The following GATAD1 variants were observed in gnomAD, a reference collection of about 807,000 sequenced individuals.
GATAD1 encodes GATA zinc finger domain-containing protein 1.
GATAD1 carries 12 observed loss-of-function variants against 26.5 expected under a neutral mutation model. The ratio of observed to expected loss-of-function variants is 0.45; its 90% CI spans 0.29 to 0.73. The LOEUF is 0.73. GATAD1 is among the 30% of genes least tolerant of loss of function. The pLI, the probability that GATAD1 is intolerant of heterozygous loss-of-function variation, is 0.10. For synonymous variants in GATAD1, 129 were observed against 133.1 expected, an observed-to-expected ratio of 0.97 and a Z score of 0.21; for missense variants, 266 against 342.1, an observed-to-expected ratio of 0.78 and a Z score of 1.75.
the GATAD1 span, chr7:92,469,918 T>C: frequency 1.3e-6 from 1 of 778,656 alleles, no homozygotes; most frequent in East Asian, 2.4e-5. Flanking sequence ...GAGGGTTTCA[T>C]GTAGTTTTGA....
intron 4 of GATAD1, among the ~76,000 whole-genome samples, chr7:92,455,754 CCAAA>C (rs1789644120): frequency 6.6e-6 from 1 of 152,154 alleles, no homozygotes; most frequent in African/African-American, 2.4e-5. Context: ...TGATACATTA[CCAAA>C]CAATTCTAGC....
chr7:92,485,722 A>C, the GATAD1 span, among the ~76,000 whole-genome samples: 1 of 152,224 alleles, frequency 6.6e-6, no homozygotes, highest in African/African-American at 2.4e-5. Flanking sequence ...CAAACAGTGG[A>C]GACAGGAAAT....
At chr7:92,478,711 A>C in the GATAD1 span, among the ~76,000 whole-genome samples, 4 of 152,214 alleles carry the variant, frequency 2.6e-5, no homozygotes, top group African/African-American at 9.6e-5. Context: ...ACCCTCACCC[A>C]TTCCAAACCA....
At chr7:92,460,929 G>GCACACA (rs367896680), downstream of GATAD1, among the ~76,000 whole-genome samples, 7 of 150,522 alleles carry the variant, frequency 4.7e-5, no homozygotes, top group African/African-American at 1.7e-4. Context: ...TTTACAATAA[G>GCACACA]CACACACACA....
the GATAD1 span, among the ~76,000 whole-genome samples, chr7:92,482,691 G>A: frequency 1.8e-3 from 277 of 152,174 alleles, 6 homozygotes; most frequent in East Asian, 0.03. Flanking sequence ...GAAGAAGGGC[G>A]GCAAGGAGAT....
chr7:92,448,080 C>G (rs571154820), intron 1 of GATAD1, 102 bp downstream of exon 1: 19 of 876,272 alleles, frequency 2.2e-5, no homozygotes, highest in Admixed American at 4.6e-5. Context: ...CCCCGATCGC[C>G]GTGCTCCTGC....
the GATAD1 span, chr7:92,468,792 T>C: frequency 3.0e-5 from 23 of 757,298 alleles, no homozygotes; most frequent in African/African-American, 3.6e-4. Flanking sequence ...AATTGGGGCG[T>C]AGTAGAGGTT....
intron 2 of GATAD1, chr7:92,449,347 A>G (rs1789318421): frequency 1.1e-6 from 1 of 937,470 alleles, no homozygotes; most frequent in African/African-American, 1.8e-5. Flanking sequence ...ATGATGATGT[A>G]TTTGATGAAT....
chr7:92,479,576 A>G, the GATAD1 span, among the ~76,000 whole-genome samples: 1 of 152,230 alleles, frequency 6.6e-6, no homozygotes, highest in African/African-American at 2.4e-5. Flanking sequence ...GCTTGGGCTC[A>G]GAGGCCTGAC....
chr7:92,447,531 C>T lies in GATAD1; in HGVS notation c.-199C>T, dbSNP rs1585161795. Reference sequence around the variant, plus strand: ...CCTCGGGCCAGGGAATCCTGGCCTCCGCCTGCGGAGCCGGCGGAACCCGCT... The same window carrying T: ...CCTCGGGCCAGGGAATCCTGGCCTCTGCCTGCGGAGCCGGCGGAACCCGCT... On this transcript the variant is annotated 5_prime_UTR_variant, in exon 1 of 5. Coordinates refer to ENST00000287957, the MANE Select transcript of GATAD1 (RefSeq NM_021167.5). The T allele has an allele frequency of 9.2e-6, 5 of 544,284 alleles. No individual in the cohort carries two copies. In the South Asian group the frequency reaches 1.6e-4, roughly 17 times the overall value. The allele number at this position is 544,284 out of a possible 1,614,324, so 33.7% of individuals were successfully genotyped here.
At chr7:92,487,649 TAACA>T in the GATAD1 span, 12 of 500,992 alleles carry the variant, frequency 2.4e-5, no homozygotes, top group Non-Finnish European at 1.7e-5. Context: ...GAACGGGAAA[TAACA>T]AACTAGAAAA....
At chr7:92,494,443 G>C in the GATAD1 span, 1 of 1,610,738 alleles carries the variant, frequency 6.2e-7, no homozygotes, top group African/African-American at 1.3e-5. Flanking sequence ...ATGACATGAT[G>C]ACATTTTGTT....
chr7:92,451,730 T>C (rs939435782), intron 3 of GATAD1, among the ~76,000 whole-genome samples: 2 of 152,248 alleles, frequency 1.3e-5, no homozygotes, highest in Non-Finnish European at 2.9e-5. Flanking sequence ...TATCTAAAGT[T>C]TAGCAAACAG....
At position 92,450,716 on chromosome 7, in the gene GATAD1, G is replaced by C. The variant is rs1187811969; in HGVS notation, c.391G>C (p.Glu131Gln). 1 of 1,609,138 alleles carries C rather than the reference G, an allele frequency of 6.2e-7. No homozygotes were observed. Among genetic ancestry groups the C allele is most frequent in the South Asian group, 1.1e-5 (1 of 90,984 alleles). ...FKLKNPIKAP[E>Q]SVSTIITAES... is the part of the protein sequence containing the mutation. ...ATTTTCATAGCCCATCAAAGCTCCT[G>C]AGTCAGTTTCCACTATAATCACTGC... is the stretch of plus-strand genomic sequence containing the variant. Residue 131 changes from glutamate (E) to glutamine (Q), a missense_variant, in exon 3 of 5, where the codon GAG (glutamate) becomes CAG (glutamine). Transcript: ENST00000287957.
chr7:92,449,003 G>T, intron 2 of GATAD1, 126 bp downstream of exon 2: 1 of 1,123,416 alleles, frequency 8.9e-7, no homozygotes, highest in Non-Finnish European at 1.3e-6. Flanking sequence ...TCTGGGGAAT[G>T]GTCCAGATTC....
At chr7:92,453,325 A>G (rs1789519551) in intron 3 of GATAD1, among the ~76,000 whole-genome samples, 1 of 152,220 alleles carries the variant, frequency 6.6e-6, no homozygotes, top group African/African-American at 2.4e-5. Flanking sequence ...GAGGTGCTGG[A>G]TGTCATAAAG....
the GATAD1 span, among the ~76,000 whole-genome samples, chr7:92,468,153 C>T: frequency 1.3e-5 from 2 of 152,218 alleles, no homozygotes; most frequent in Non-Finnish European, 2.9e-5. Context: ...GACTAGTGTT[C>T]AGCTCAATTA....
chr7:92,475,168 T>A, the GATAD1 span: 2 of 152,172 alleles, frequency 1.3e-5, no homozygotes, highest in Non-Finnish European at 2.9e-5. Flanking sequence ...TGTTATAATT[T>A]ATACTTCCCT....
chr7:92,476,097 T>G, the GATAD1 span, among the ~76,000 whole-genome samples: 1 of 152,238 alleles, frequency 6.6e-6, no homozygotes, highest in Non-Finnish European at 1.5e-5. Flanking sequence ...CGCCTAGGTC[T>G]GGTCGGACCT....
Sources: allele counts gnomAD v4.1 joint callset (sites outside exome capture counted in the v4.1 genomes callset), GRCh38; gene constraint gnomAD v4.1.1; transcripts MANE v1.5; gene names NCBI Gene and HGNC (gene_info 2026-07-23, HGNC 2026-07-21).